Variants in AFF1 observed in about 807,000 individuals in gnomAD.
AFF1 encodes the protein AF4/FMR2 family member 1.
Under a neutral mutation model 121.7 loss-of-function variants are expected in AFF1, and 48 were observed. That is an observed-to-expected ratio of 0.39 (90% CI 0.31 to 0.50). AFF1 has a LOEUF of 0.50. AFF1 is among the 20% of genes least tolerant of loss of function. The probability of loss-of-function intolerance (pLI) is 0.76; values close to 1 mark genes in which losing one functional copy is unlikely to be tolerated. For missense variants in AFF1, 1,523 were observed against 1,511.7 expected, an observed-to-expected ratio of 1.01 and a Z score of -0.12; for synonymous variants, 613 against 563.0, an observed-to-expected ratio of 1.09 and a Z score of -1.26.
chr4:87,060,026 G>A (rs1376518508), intron 4 of AFF1, among the ~76,000 whole-genome samples: 2 of 152,206 alleles, frequency 1.3e-5, no homozygotes, highest in Non-Finnish European at 2.9e-5. Flanking sequence ...GCTTAACAGA[G>A]GGGTGAAGTA....
chr4:87,066,158 A>T (rs976798688), intron 4 of AFF1, among the ~76,000 whole-genome samples: 1 of 152,188 alleles, frequency 6.6e-6, no homozygotes, highest in South Asian at 2.1e-4. Flanking sequence ...ATTGATTGGC[A>T]CTGTGGGCCA....
At chr4:87,013,636 G>T (rs932371712) in intron 2 of AFF1, among the ~76,000 whole-genome samples, 1 of 151,294 alleles carries the variant, frequency 6.6e-6, no homozygotes, top group Non-Finnish European at 1.5e-5. Context: ...GTGGGCTGGG[G>T]AAGAGTTAAG....
At chr4:86,998,870 A>G (rs921622325) in intron 2 of AFF1, among the ~76,000 whole-genome samples, 4 of 152,080 alleles carry the variant, frequency 2.6e-5, no homozygotes, top group Non-Finnish European at 4.4e-5. Flanking sequence ...TACTTTCAGT[A>G]TCTCAAGAAA....
intron 2 of AFF1, among the ~76,000 whole-genome samples, chr4:86,985,214 T>TATATATATATATATATAAATAA (rs1277485096): frequency 9.6e-6 from 1 of 104,560 alleles, no homozygotes. Flanking sequence ...TATATATATA[T>TATATATATATATATATAAATAA]AAAATTATAT....
rs746888666 is a variant in AFF1 at position 87,046,312 on chromosome 4, A to G, written c.159+26A>G. ...GTATTTACTGAACACTAGACATTGA[A>G]GTCCTGATTTATCACAATGTTGAAC... is the stretch of plus-strand genomic sequence containing the variant. On this transcript the variant is annotated intron_variant, in intron 3 of 20. Transcript: ENST00000395146. 1.9e-5 allele frequency: 31 copies of G among 1,604,462 alleles called. No homozygotes were observed. In the Admixed American group the frequency reaches 5.1e-4, roughly 26 times the overall value.
At chr4:87,116,224 AGATTCTTTTGGAT>A (rs1192937481) in intron 12 of AFF1, among the ~76,000 whole-genome samples, 2 of 152,232 alleles carry the variant, frequency 1.3e-5, no homozygotes, top group African/African-American at 2.4e-5. Context: ...TAATTTTGGA[AGATTCTTTTGGAT>A]ACAGAATGGA....
chr4:86,953,919 C>A (rs1202667667), intron 2 of AFF1, among the ~76,000 whole-genome samples: 2 of 152,116 alleles, frequency 1.3e-5, no homozygotes, highest in Admixed American at 1.3e-4. Flanking sequence ...CCATGTTGGC[C>A]AGGCTGGGCT....
intron 10 of AFF1, among the ~76,000 whole-genome samples, chr4:87,106,348 A>C (rs1218581560): frequency 6.6e-6 from 1 of 152,216 alleles, no homozygotes; most frequent in Admixed American, 6.5e-5. Context: ...GTGCCACTGC[A>C]CTCCAGCTTG....
At chr4:87,052,392 G>A (rs1173428686) in intron 4 of AFF1, among the ~76,000 whole-genome samples, 1 of 152,050 alleles carries the variant, frequency 6.6e-6, no homozygotes, top group Admixed American at 6.5e-5. Flanking sequence ...CAGCCTGAGC[G>A]ACAGTGAGAC....
In AFF1 at chr4:87,114,472, C is replaced by G. The variant is rs149255914; in HGVS notation, c.1639C>G (p.Arg547Gly). The G allele has an allele frequency of 2.5e-6, 4 of 1,613,686 alleles. No individual in the cohort carries two copies. Among genetic ancestry groups the G allele is most frequent in the Non-Finnish European group, 3.4e-6 (4 of 1,179,974 alleles). The change falls in exon 12 of 21, where the codon CGG becomes GGG. Residue 547 changes from arginine to glycine, a missense_variant. Physicochemically the swap from Arg to Gly is moderately radical, Grantham distance 125 (BLOSUM62 -2). Around this residue, in one of 5 missense-constraint regions of AFF1, gnomAD observed 905 missense variants for 842.5 expected, o/e 1.07. Coordinates refer to ENST00000395146, the MANE Select transcript of AFF1 (RefSeq NM_001166693.3). ...CCCCAGGAGCACAGAGCCCCCACGGCGGCACCCAGAGAGTAAGGGCAGCAG... is the reference window on the plus strand; with the variant it reads ...CCCCAGGAGCACAGAGCCCCCACGGGGGCACCCAGAGAGTAAGGGCAGCAG... The part of the protein sequence containing the change: ...EGPRSTEPPR[R>G]HPESKGSSDS...
In AFF1 at chr4:87,138,901, C is replaced by T. The variant is rs1379251631; in HGVS notation, c.*3200C>T. On this transcript the variant is annotated 3_prime_UTR_variant, in exon 21 of 21. Transcript: ENST00000395146. ...ACACAGATTGGACCGCACTTATCTC[C>T]CTTGTCCTGTATCCTTTAATTTCAG... 3 of 228,158 alleles carry T rather than the reference C, an allele frequency of 1.3e-5. No individual in the cohort carries two copies. Among genetic ancestry groups the T allele is most frequent in the African/African-American group, 6.7e-5 (3 of 45,068 alleles). 14.1% of individuals were successfully genotyped at this position (228,158 alleles called of 1,614,324 possible).
In AFF1 at chr4:87,066,332, A is replaced by G. The variant is rs1290611319; in HGVS notation, c.1060-17788A>G. On this transcript the variant is annotated intron_variant, in intron 4 of 20. Coordinates refer to ENST00000395146, the MANE Select transcript of AFF1 (RefSeq NM_001166693.3). ...GTAATGGGACAGTTTGGCTGGGTGT[A>G]GGGGGTCATGCCAGGCTGAGGTGGG... is the stretch of plus-strand genomic sequence containing the variant. Among the ~76,000 whole-genome samples, 4 of 152,136 alleles carry G rather than the reference A, an allele frequency of 2.6e-5. No individual in the cohort carries two copies. In the East Asian group the frequency reaches 7.7e-4, roughly 29 times the overall value.
At chr4:86,972,170 GC>G (rs1262247828) in intron 2 of AFF1, among the ~76,000 whole-genome samples, 1 of 146,086 alleles carries the variant, frequency 6.8e-6, no homozygotes, top group Non-Finnish European at 1.5e-5. Flanking sequence ...AGTTTGAAGA[GC>G]AGAAAAGCAG....
In AFF1 at chr4:87,047,458, A is replaced by G. The variant is rs1340161998; in HGVS notation, c.923A>G (p.Asp308Gly). Residue 308 changes from aspartate to glycine, a missense_variant, in exon 4 of 21, where the codon GAT becomes GGT. Physicochemically the swap from Asp to Gly is moderately conservative, Grantham distance 94. Around this residue, in one of 5 missense-constraint regions of AFF1, gnomAD observed 905 missense variants for 842.5 expected, o/e 1.07. Transcript: ENST00000395146. ...TATGTCCGGCCCATGGATGGTCAAG[A>G]TCAGGCCCCTAGTGAATCCCCTGAA... ...TAYVRPMDGQ[D>G]QAPSESPELK... is the part of the protein sequence containing the mutation. 1 of 1,614,024 alleles carries G rather than the reference A, an allele frequency of 6.2e-7. No individual in the cohort carries two copies. Among genetic ancestry groups the G allele is most frequent in the Non-Finnish European group, 8.5e-7 (1 of 1,180,030 alleles).
At chr4:86,937,967 AAG>A (rs1261086932) in intron 1 of AFF1, among the ~76,000 whole-genome samples, 4 of 152,172 alleles carry the variant, frequency 2.6e-5, no homozygotes, top group Non-Finnish European at 4.4e-5. Context: ...GAAAGTTGAA[AAG>A]AGGGGTGAAA....
intron 1 of AFF1, among the ~76,000 whole-genome samples, chr4:86,942,789 AC>A (rs991316638): frequency 1.3e-5 from 2 of 152,152 alleles, no homozygotes; most frequent in Non-Finnish European, 2.9e-5. Flanking sequence ...CATAAGATGG[AC>A]CATGGCAAGC....
chr4:87,040,176 T>C (rs915234621), intron 2 of AFF1, among the ~76,000 whole-genome samples: 6 of 152,160 alleles, frequency 3.9e-5, no homozygotes, highest in African/African-American at 1.4e-4. Context: ...ATTACAGATG[T>C]GAGCCACTGT....
rs891586022 is a variant in AFF1 at position 86,935,061 on chromosome 4, G to A, written c.-216G>A. The A allele has an allele frequency of 2.0e-5, 3 of 151,982 alleles. No homozygotes were observed. The highest frequency in any genetic ancestry group is 2.1e-4 in the South Asian group (1 of 4,834). 9.4% of individuals were successfully genotyped at this position (151,982 alleles called of 1,614,324 possible). A position where few individuals can be genotyped will look rare whatever the true frequency, so the allele number is the denominator to read the frequency against. On this transcript the variant is annotated 5_prime_UTR_variant, in exon 1 of 21. Transcript: ENST00000395146. ...CGCGGCCCCTGCGCACTCGGCCGCC[G>A]CCTGCGCGCGTTGCGGCCGCAGCTG... is the stretch of plus-strand genomic sequence containing the variant.
intron 2 of AFF1, among the ~76,000 whole-genome samples, chr4:86,957,011 TTC>T (rs1323544224): frequency 2.6e-5 from 4 of 152,244 alleles, no homozygotes; most frequent in Non-Finnish European, 5.9e-5. Flanking sequence ...CATGTACTTT[TTC>T]TCTGTCTTTA....
Sources: gnomAD v4.1 joint callset for allele counts (sites outside exome capture counted in the v4.1 genomes callset) on GRCh38, gnomAD v4.1.1 for gene constraint, gnomAD v4.1.1 regional missense constraint, MANE v1.5 for transcripts, NCBI Gene and HGNC (gene_info 2026-07-23, HGNC 2026-07-21) for gene names.